ZEB1: variants seen among roughly 807,000 people sequenced by gnomAD.
ZEB1 encodes zinc finger E-box binding homeobox 1.
A neutral mutation model predicts 84.9 loss-of-function variants in ZEB1; 21 were observed. The observed-to-expected ratio is 0.25, with a 90% CI of 0.18 to 0.36. ZEB1 has a LOEUF of 0.36. ZEB1 is among the 10% of genes least tolerant of loss of function. The pLI is 1.00. For synonymous variants in ZEB1, 420 were observed against 471.1 expected, an observed-to-expected ratio of 0.89 and a Z score of 1.41; for missense variants, 1,104 against 1,330.2, an observed-to-expected ratio of 0.83 and a Z score of 2.65.
intron 1 of ZEB1, among the ~76,000 whole-genome samples, chr10:31,405,167 T>TA (rs1490673437): frequency 1.3e-5 from 2 of 152,174 alleles, no homozygotes; most frequent in Non-Finnish European, 2.9e-5. Flanking sequence ...AATGATGACT[T>TA]ACGGACATTT....
rs1414390507 is a variant in ZEB1, at chr10:31,495,884, G to T, written c.322+46G>T. The T allele has an allele frequency of 1.9e-6, 3 of 1,603,178 alleles. No homozygotes were observed. The Admixed American group carries it at 5.0e-5, about 27-fold the overall frequency. On this transcript the variant is annotated intron_variant, in intron 3 of 8. Coordinates refer to ENST00000424869, the MANE Select transcript of ZEB1 (RefSeq NM_001174096.2). ...TTCATACCATAGCCTTTAAAAGAAG[G>T]TCTTTGTGTCACTGATTTCGCATTT...
intron 2 of ZEB1, among the ~76,000 whole-genome samples, chr10:31,469,022 A>C (rs2062807650): frequency 6.6e-6 from 1 of 152,220 alleles, no homozygotes; most frequent in African/African-American, 2.4e-5. Context: ...AACCAAAGCA[A>C]CTAGAGAAAC....
chr10:31,432,626 G>C (rs2057855225), intron 1 of ZEB1, among the ~76,000 whole-genome samples: 1 of 152,092 alleles, frequency 6.6e-6, no homozygotes, highest in Non-Finnish European at 1.5e-5. Flanking sequence ...AGATACATTT[G>C]ATTAGTGGCT....
intron 1 of ZEB1, among the ~76,000 whole-genome samples, chr10:31,400,760 C>A (rs1338490882): frequency 3.9e-5 from 6 of 152,088 alleles, no homozygotes; most frequent in African/African-American, 1.4e-4. Context: ...GGAACAAATA[C>A]TAATTCAGCC....
chr10:31,321,716 A>G, intron 1 of ZEB1: 2 of 798,810 alleles, frequency 2.5e-6, no homozygotes, highest in South Asian at 1.6e-5. Context: ...TCTCCTTGAG[A>G]TCCTGTGATA....
chr10:31,388,021 T>C (rs1004391644), intron 1 of ZEB1, among the ~76,000 whole-genome samples: 2 of 152,170 alleles, frequency 1.3e-5, no homozygotes, highest in African/African-American at 2.4e-5. Context: ...GAAAACCTTA[T>C]TGTTAACTAA....
intron 1 of ZEB1, among the ~76,000 whole-genome samples, chr10:31,443,013 A>C (rs983724938): frequency 6.6e-6 from 1 of 152,222 alleles, no homozygotes; most frequent in Admixed American, 6.5e-5. Flanking sequence ...GCTGGAGTTT[A>C]ATCAAGGTAA....
At chr10:31,474,771 T>C (rs1485376041) in intron 2 of ZEB1, among the ~76,000 whole-genome samples, 1 of 152,134 alleles carries the variant, frequency 6.6e-6, no homozygotes, top group Non-Finnish European at 1.5e-5. Context: ...CGTATGTTTA[T>C]TGAGGCACTA....
At chr10:31,423,549 C>A (rs1366226514) in intron 1 of ZEB1, among the ~76,000 whole-genome samples, 1 of 151,974 alleles carries the variant, frequency 6.6e-6, no homozygotes, top group East Asian at 1.9e-4. Context: ...AGGTATACTC[C>A]CAAAAGGTTG....
At chr10:31,486,678 A>G (rs949455909) in intron 2 of ZEB1, among the ~76,000 whole-genome samples, 2 of 149,306 alleles carry the variant, frequency 1.3e-5, no homozygotes, top group African/African-American at 2.5e-5. Context: ...TGAGTTACTT[A>G]TTTTATTAAA....
At chr10:31,337,683 G>GTTTTTTTTTTTTTTT (rs756379165) in intron 1 of ZEB1, among the ~76,000 whole-genome samples, 4 of 98,840 alleles carry the variant, frequency 4.0e-5, no homozygotes, top group African/African-American at 1.3e-4. Flanking sequence ...ATTTCTTTCT[G>GTTTTTTTTTTTTTTT]TTTTTTTTTT....
intron 2 of ZEB1, among the ~76,000 whole-genome samples, chr10:31,462,281 A>T (rs75129409): frequency 0.015 from 2,306 of 152,306 alleles, 44 homozygotes; most frequent in African/African-American, 0.052. Flanking sequence ...GAAATAATGT[A>T]ATCAGCCCTC....
At chr10:31,516,653 T>G (rs1466908065) in intron 6 of ZEB1, among the ~76,000 whole-genome samples, 3 of 138,628 alleles carry the variant, frequency 2.2e-5, no homozygotes, top group Non-Finnish European at 4.6e-5. Context: ...TGGAACAACA[T>G]AAAGAGAAAA....
chr10:31,436,414 C>CT (rs140557334), intron 1 of ZEB1, among the ~76,000 whole-genome samples: 9,519 of 151,830 alleles, frequency 0.063, 732 homozygotes, highest in African/African-American at 0.18. Context: ...TTTGTAAGGA[C>CT]TTTTTTTTCA....
chr10:31,363,773 G>C, intron 1 of ZEB1: 2 of 1,290,978 alleles, frequency 1.5e-6, no homozygotes, highest in Middle Eastern at 1.9e-4. Context: ...ACCACAGGAC[G>C]CAGGACCCTC....
At chr10:31,380,708 A>AT (rs2047472692) in intron 1 of ZEB1, among the ~76,000 whole-genome samples, 1 of 152,166 alleles carries the variant, frequency 6.6e-6, no homozygotes, top group African/African-American at 2.4e-5. Context: ...GTATACTGGA[A>AT]AGAAGCCTGG....
chr10:31,321,278 T>C (rs532567191), intron 1 of ZEB1: 2 of 1,338,228 alleles, frequency 1.5e-6, no homozygotes, highest in African/African-American at 1.5e-5. Context: ...TCCATAATTA[T>C]ATTTTTAATA....
intron 2 of ZEB1, among the ~76,000 whole-genome samples, chr10:31,463,908 A>G (rs369366132): frequency 2.6e-5 from 4 of 152,196 alleles, no homozygotes; most frequent in East Asian, 3.9e-4. Context: ...ATTACCAGAA[A>G]CAAAAGGAAG....
At chr10:31,404,003 G>T (rs375592880) in intron 1 of ZEB1, among the ~76,000 whole-genome samples, 2 of 152,022 alleles carry the variant, frequency 1.3e-5, no homozygotes, top group Non-Finnish European at 2.9e-5. Flanking sequence ...AACTATGTAC[G>T]TGTTGACTAT....
Sources: gnomAD v4.1 joint callset for allele counts (sites outside exome capture counted in the v4.1 genomes callset) on GRCh38, gnomAD v4.1.1 for gene constraint, MANE v1.5 for transcripts, NCBI Gene and HGNC (gene_info 2026-07-23, HGNC 2026-07-21) for gene names.